RELL1: variants seen among roughly 807,000 people sequenced by gnomAD.
RELL1 encodes the protein RELT-like protein 1.
RELL1 carries 10 observed loss-of-function variants against 23.0 expected under a neutral mutation model. That is an observed-to-expected ratio of 0.43 (90% CI 0.27 to 0.74). The LOEUF is 0.74. RELL1 is among the 30% of genes least tolerant of loss of function. RELL1 has a pLI of 0.19. For missense variants in RELL1, 315 were observed against 364.4 expected, an observed-to-expected ratio of 0.86 and a Z score of 1.10; for synonymous variants, 146 against 146.8, an observed-to-expected ratio of 0.99 and a Z score of 0.04.
At chr4:37,657,653 A>G (rs1159427229) in intron 1 of RELL1, among the ~76,000 whole-genome samples, 1 of 152,184 alleles carries the variant, frequency 6.6e-6, no homozygotes, top group Non-Finnish European at 1.5e-5. Flanking sequence ...CATAAAAAGC[A>G]AGGCCTGGTG....
chr4:37,679,657 A>G (rs369612330), intron 1 of RELL1, among the ~76,000 whole-genome samples: 1 of 152,198 alleles, frequency 6.6e-6, no homozygotes, highest in African/African-American at 2.4e-5. Flanking sequence ...AATATATACC[A>G]TAGAACCACA....
chr4:37,650,511 C>T (rs1224407786), intron 1 of RELL1, among the ~76,000 whole-genome samples: 2 of 151,968 alleles, frequency 1.3e-5, no homozygotes, highest in Non-Finnish European at 2.9e-5. Flanking sequence ...ACGGGCAGAT[C>T]GTGACAGATT....
At chr4:37,682,524 T>G (rs1722258566) in intron 1 of RELL1, among the ~76,000 whole-genome samples, 1 of 152,242 alleles carries the variant, frequency 6.6e-6, no homozygotes, top group Non-Finnish European at 1.5e-5. Flanking sequence ...GGGGCTTTGG[T>G]CTCTCACATT....
intron 6 of RELL1, among the ~76,000 whole-genome samples, chr4:37,621,646 C>T (rs1246162743): frequency 6.6e-6 from 1 of 152,124 alleles, no homozygotes; most frequent in Non-Finnish European, 1.5e-5. Context: ...CAACACTGCT[C>T]AATTTCTGCA....
chr4:37,622,645 A>C (rs1321606183), intron 6 of RELL1, among the ~76,000 whole-genome samples: 17 of 152,102 alleles, frequency 1.1e-4, no homozygotes, highest in Admixed American at 1.1e-3. Flanking sequence ...AACACACACT[A>C]AACAAGGGGA....
intron 1 of RELL1, among the ~76,000 whole-genome samples, chr4:37,678,266 A>T (rs1162775266): frequency 6.6e-6 from 1 of 152,244 alleles, no homozygotes; most frequent in East Asian, 1.9e-4. Flanking sequence ...TAAATCATTC[A>T]TGAGAAATCT....
chr4:37,605,962 AGAGG>A (rs1030447884), downstream of RELL1, among the ~76,000 whole-genome samples: 6 of 143,678 alleles, frequency 4.2e-5, no homozygotes, highest in African/African-American at 1.5e-4. Context: ...AGGGAAGGAG[AGAGG>A]GAGGGAGGAA....
chr4:37,610,840 C>T lies in RELL1; in HGVS notation c.*2506G>A, dbSNP rs1719349617. Among the ~76,000 whole-genome samples the T allele has an allele frequency of 1.3e-5, 2 of 152,138 alleles. No homozygotes were observed. The highest frequency in any genetic ancestry group is 2.9e-5 in the Non-Finnish European group (2 of 68,032). On this transcript the variant is annotated 3_prime_UTR_variant, in exon 7 of 7. Transcript: ENST00000454158. This position sits in a 1 kb window ranked among gnomAD's most constrained non-coding sequence, Gnocchi z 4.1. ...CTAGAGAAAGTCTGTTGTGGATTCC[C>T]TCATCCTTAGAAAGGAGGAGGAGTA...
At chr4:37,601,438 A>G (rs761670663) in intron 6 of RELL1, among the ~76,000 whole-genome samples, 4 of 152,200 alleles carry the variant, frequency 2.6e-5, no homozygotes, top group Non-Finnish European at 4.4e-5. Flanking sequence ...CCTAAAAGGC[A>G]CATATTATCT....
At chr4:37,647,185 C>A (rs879101321) in intron 3 of RELL1, among the ~76,000 whole-genome samples, 183 bp downstream of exon 3, 1 of 152,170 alleles carries the variant, frequency 6.6e-6, no homozygotes, top group Admixed American at 6.5e-5. Context: ...ACGCTTAGAC[C>A]GACTCACGCT....
chr4:37,602,059 C>A (rs1719029262), intron 6 of RELL1, among the ~76,000 whole-genome samples: 1 of 151,824 alleles, frequency 6.6e-6, no homozygotes, highest in African/African-American at 2.4e-5. Context: ...TTGAAAAATA[C>A]AAAATAAAGT....
At chr4:37,627,287 C>T (rs1719986037) in intron 6 of RELL1, among the ~76,000 whole-genome samples, 1 of 152,162 alleles carries the variant, frequency 6.6e-6, no homozygotes, top group African/African-American at 2.4e-5. Context: ...ACATGCGACA[C>T]AGAATGCTTA....
chr4:37,595,029 G>T (rs1383329837), intron 6 of RELL1, among the ~76,000 whole-genome samples: 1 of 152,172 alleles, frequency 6.6e-6, no homozygotes, highest in African/African-American at 2.4e-5. Flanking sequence ...TGACGAAAAC[G>T]TAGAAATTAA....
At chr4:37,634,823 C>G in intron 5 of RELL1, 64 bp downstream of exon 5, 1 of 1,311,450 alleles carries the variant, frequency 7.6e-7, no homozygotes, top group Non-Finnish European at 1.1e-6. Flanking sequence ...GACAGGTAAG[C>G]AGAAGTCCAC....
At chr4:37,597,455 A>G (rs1458455186) in intron 6 of RELL1, among the ~76,000 whole-genome samples, 1 of 152,224 alleles carries the variant, frequency 6.6e-6, no homozygotes, top group Non-Finnish European at 1.5e-5. Flanking sequence ...CCCACACAAA[A>G]AAATCCATTT....
At chr4:37,678,938 G>A (rs887239880) in intron 1 of RELL1, among the ~76,000 whole-genome samples, 2 of 152,318 alleles carry the variant, frequency 1.3e-5, no homozygotes, top group South Asian at 4.1e-4. Flanking sequence ...CTGGCAGCTG[G>A]CAAGGGAAAT....
chr4:37,601,689 A>G lies in RELL1; in HGVS notation c.*4-10472T>C, dbSNP rs115037963. 4.2e-3 allele frequency among the ~76,000 whole-genome samples: 647 copies of G among 152,356 alleles called. 2 individuals are homozygous for G. The highest frequency in any genetic ancestry group is 0.015 in the African/African-American group (616 of 41,582). On this transcript the variant is annotated intron_variant, in intron 6 of 6. Transcript: ENST00000314117. ...GCGATGGAGTGAAGGCAGCTCTAGG[A>G]AGTCTCAGCTGCAGGGCTGGATGCC...
intron 1 of RELL1, among the ~76,000 whole-genome samples, chr4:37,666,328 T>C (rs1177610473): frequency 1.7e-4 from 26 of 152,314 alleles, no homozygotes. Context: ...CTATGAAGCA[T>C]GGAAGCAAAA....
intron 6 of RELL1, among the ~76,000 whole-genome samples, chr4:37,630,450 C>T (rs1222839957): frequency 2.0e-5 from 3 of 149,158 alleles, no homozygotes; most frequent in Admixed American, 1.3e-4. Flanking sequence ...CTGCAAGCTC[C>T]GCCTCCCGGG....
Sources: gnomAD v4.1 joint callset for allele counts (sites outside exome capture counted in the v4.1 genomes callset) on GRCh38, gnomAD v4.1.1 for gene constraint, Gnocchi (gnomAD v3.1) non-coding constraint, MANE v1.5 for transcripts, NCBI Gene and HGNC (gene_info 2026-07-23, HGNC 2026-07-21) for gene names.